DEPDC1B: variants seen among roughly 807,000 people sequenced by gnomAD.
The protein encoded by DEPDC1B is DEP domain containing 1B.
In DEPDC1B, 51 loss-of-function variants were observed where a neutral mutation model predicts 66.5. That is an observed-to-expected ratio of 0.77 (90% CI 0.61 to 0.97). The LOEUF is 0.97. Among genes scored for constraint, DEPDC1B ranks in the 50% least tolerant of loss-of-function variants. The probability of loss-of-function intolerance (pLI) is 0.00; values close to 1 mark genes in which losing one functional copy is unlikely to be tolerated. For synonymous variants in DEPDC1B, 226 were observed against 223.6 expected, an observed-to-expected ratio of 1.01 and a Z score of -0.10; for missense variants, 552 against 637.1, an observed-to-expected ratio of 0.87 and a Z score of 1.44.
At chr5:60,665,554 C>T (rs1309869028) in intron 2 of DEPDC1B, among the ~76,000 whole-genome samples, 7 of 152,224 alleles carry the variant, frequency 4.6e-5, no homozygotes, top group Middle Eastern at 3.4e-3. Flanking sequence ...GCCCATGCTC[C>T]GATGTTAATG....
intron 7 of DEPDC1B, among the ~76,000 whole-genome samples, chr5:60,635,817 C>T (rs1753032351): frequency 6.6e-6 from 1 of 152,134 alleles, no homozygotes; most frequent in East Asian, 1.9e-4. Flanking sequence ...ATGTGAATCT[C>T]CCATTTCTTA....
chr5:60,626,057 G>T, intron 7 of DEPDC1B, among the ~76,000 whole-genome samples: 1 of 151,116 alleles, frequency 6.6e-6, no homozygotes, highest in East Asian at 1.9e-4. Flanking sequence ...TTTTTGTATA[G>T]TCACTAAGTT....
chr5:60,682,495 C>G (rs1456218100), intron 2 of DEPDC1B, among the ~76,000 whole-genome samples: 2 of 151,652 alleles, frequency 1.3e-5, no homozygotes, highest in African/African-American at 2.4e-5. Context: ...TGCACATGCA[C>G]CCTAAAACTT....
rs371006772 is a variant in DEPDC1B, at chr5:60,631,693, T to C, written c.898+7057A>G. Among the ~76,000 whole-genome samples, 10 of 152,202 alleles carry C rather than the reference T, an allele frequency of 6.6e-5. No individual in the cohort carries two copies. The East Asian group carries it at 7.7e-4, about 12-fold the overall frequency. ...TATCTCCAAATGGGCCACTCTTCTA[T>C]TACATAGAATAAATTGCTCAGTACA... On this transcript the variant is annotated intron_variant, in intron 7 of 10. Coordinates refer to ENST00000265036, the MANE Select transcript of DEPDC1B (RefSeq NM_018369.3).
In DEPDC1B at chr5:60,687,112, T is replaced by G. The variant is rs770923794; in HGVS notation, c.164A>C (p.Glu55Ala). The G allele has an allele frequency of 3.1e-6, 5 of 1,614,088 alleles. No individual in the cohort carries two copies. The East Asian group carries it at 8.9e-5, about 29-fold the overall frequency. ...GAAGTTTTGACTGCACCTCAGCAGC[T>G]CATGCAGCCAATCCACAGCTTCGGC... The part of the protein sequence containing the change: ...TAAEAVDWLH[E>A]LLRCSQNFGP... Residue 55 changes from glutamate (E) to alanine (A), a missense_variant, in exon 2 of 11, where the codon GAG (glutamate) becomes GCG (alanine). Physicochemically the swap from Glu to Ala is moderately radical, Grantham distance 107. Coordinates refer to ENST00000265036, the MANE Select transcript of DEPDC1B (RefSeq NM_018369.3).
chr5:60,636,725 C>T (rs964723214), intron 7 of DEPDC1B, among the ~76,000 whole-genome samples: 2 of 151,882 alleles, frequency 1.3e-5, no homozygotes, highest in African/African-American at 4.8e-5. Context: ...AAATAGTTTT[C>T]GATGTAAGAT....
chr5:60,640,196 G>A (rs1753155039), intron 6 of DEPDC1B, among the ~76,000 whole-genome samples: 1 of 152,184 alleles, frequency 6.6e-6, no homozygotes, highest in African/African-American at 2.4e-5. Flanking sequence ...AAAGGTAGCT[G>A]CCATTTTGCT....
chr5:60,611,010 G>A (rs1364041991), intron 7 of DEPDC1B, among the ~76,000 whole-genome samples: 2 of 152,126 alleles, frequency 1.3e-5, no homozygotes, highest in African/African-American at 4.8e-5. Context: ...CTTCACTTTA[G>A]TTGCTTTGCA....
chr5:60,697,522 T>C (rs894459865), intron 1 of DEPDC1B, among the ~76,000 whole-genome samples: 4 of 152,178 alleles, frequency 2.6e-5, no homozygotes, highest in Non-Finnish European at 5.9e-5. Flanking sequence ...ATTAAATATA[T>C]GATTTACCTA....
chr5:60,642,130 C>T lies in DEPDC1B; in HGVS notation c.757+682G>A, dbSNP rs572273120. On this transcript the variant is annotated intron_variant, in intron 6 of 10. Transcript: ENST00000265036. ...GGAATTTTCACCTATATCTGTAGTG[C>T]TAGTTCCGTACAAAAGAAATGAAAA... Among the ~76,000 whole-genome samples, 63 of 152,294 alleles carry T rather than the reference C, an allele frequency of 4.1e-4. 1 individual carries two copies. The South Asian group carries it at 0.013, about 31-fold the overall frequency.
intron 2 of DEPDC1B, among the ~76,000 whole-genome samples, chr5:60,685,516 G>A (rs993887714): frequency 6.6e-6 from 1 of 152,164 alleles, no homozygotes; most frequent in South Asian, 2.1e-4. Context: ...TTTTTTAAAG[G>A]GGGATACATG....
At chr5:60,601,078 T>C (rs1268982837) in intron 9 of DEPDC1B, among the ~76,000 whole-genome samples, 1 of 152,232 alleles carries the variant, frequency 6.6e-6, no homozygotes, top group Non-Finnish European at 1.5e-5. Context: ...ATGTGTTTGC[T>C]TCCCCTTCTG....
chr5:60,687,486 G>C (rs1022760807), intron 1 of DEPDC1B, among the ~76,000 whole-genome samples: 2 of 151,180 alleles, frequency 1.3e-5, no homozygotes, highest in Admixed American at 1.3e-4. Flanking sequence ...AGTTAAAATA[G>C]TTTTATATTA....
intron 2 of DEPDC1B, among the ~76,000 whole-genome samples, chr5:60,682,579 A>G (rs12522801): frequency 0.46 from 69,896 of 152,032 alleles, 17,399 homozygotes; most frequent in East Asian, 0.57. Context: ...TGGGATTACC[A>G]TTAAGCAAAT....
intron 1 of DEPDC1B, among the ~76,000 whole-genome samples, chr5:60,687,556 T>C (rs975993912): frequency 1.3e-5 from 2 of 151,982 alleles, no homozygotes; most frequent in African/African-American, 2.4e-5. Flanking sequence ...AGATAGAGTC[T>C]AGCTTTGTCG....
At chr5:60,660,334 GAGAGAA>G (rs1199402071) in intron 2 of DEPDC1B, among the ~76,000 whole-genome samples, 1 of 151,726 alleles carries the variant, frequency 6.6e-6, no homozygotes, top group African/African-American at 2.4e-5. Flanking sequence ...GAGAGAGAGA[GAGAGAA>G]AGAAAAGAAG....
rs1752158866 is a variant in DEPDC1B at position 60,599,393 on chromosome 5, G to A, written c.1243-133C>T. 8 of 527,618 alleles carry A rather than the reference G, an allele frequency of 1.5e-5. 1 individual carries two copies. The South Asian group carries it at 5.2e-4, about 34-fold the overall frequency. The allele number at this position is 527,618 out of a possible 1,614,324, so 32.7% of individuals were successfully genotyped here. On this transcript the variant is annotated intron_variant, in intron 9 of 10. Transcript: ENST00000265036. ...TGTTAGTCCTCAAAATTTGATTGGG[G>A]GAAACTCTATATTGAAAAGTAAAAG...
chr5:60,673,132 G>C (rs147069897), intron 2 of DEPDC1B, among the ~76,000 whole-genome samples: 19 of 152,180 alleles, frequency 1.2e-4, no homozygotes, highest in African/African-American at 4.6e-4. Flanking sequence ...TGACCAACCT[G>C]TCTCCCTTCC....
chr5:60,604,755 T>A lies in DEPDC1B; in HGVS notation c.1065+935A>T, dbSNP rs111512178. Among the ~76,000 whole-genome samples the A allele has an allele frequency of 1.2e-3, 187 of 152,284 alleles. 2 individuals are homozygous for A. The highest frequency in any genetic ancestry group is 4.5e-3 in the African/African-American group (186 of 41,562). On this transcript the variant is annotated intron_variant, in intron 8 of 10. Transcript: ENST00000265036. ...TGGAGACCATGGACCCCAGGGACTC[T>A]GTGATCGCCTTGAAACTGCATGCAA... is the stretch of plus-strand genomic sequence containing the variant.
Sources: allele counts gnomAD v4.1 joint callset (sites outside exome capture counted in the v4.1 genomes callset), GRCh38; gene constraint gnomAD v4.1.1; transcripts MANE v1.5; gene names NCBI Gene and HGNC (gene_info 2026-07-23, HGNC 2026-07-21).